Variants in PTPRD observed in about 807,000 individuals in gnomAD.
The protein encoded by PTPRD is protein tyrosine phosphatase receptor type D, also known as receptor-type tyrosine-protein phosphatase delta.
Under a neutral mutation model 214.5 loss-of-function variants are expected in PTPRD, and 34 were observed. That is an observed-to-expected ratio of 0.16 (90% confidence interval 0.12 to 0.21). PTPRD has a LOEUF of 0.21. Ranked by LOEUF, PTPRD falls within the 10% of genes least tolerant of loss-of-function variation. PTPRD has a pLI of 1.00. For missense variants in PTPRD, 2,545 were observed against 2,398.7 expected (o/e 1.06, Z -1.27); for synonymous variants, 1,128 against 845.7 (o/e 1.33, Z -5.79).
intron 8 of PTPRD, among the ~76,000 whole-genome samples, chr9:9,561,485 C>T (rs1333584999): frequency 6.6e-6 from 1 of 152,168 alleles, no homozygotes; most frequent in Non-Finnish European, 1.5e-5. Flanking sequence ...TTTTCATCAA[C>T]ACTACTAAGT....
At chr9:10,399,422 A>T (rs2098232287) in intron 2 of PTPRD, among the ~76,000 whole-genome samples, 1 of 152,030 alleles carries the variant, frequency 6.6e-6, no homozygotes, top group Non-Finnish European at 1.5e-5. Flanking sequence ...TATTCAAAAA[A>T]ATCCAAAACA....
At position 10,513,037 on chromosome 9, in the gene PTPRD, C is replaced by A. The variant is rs72700977; in HGVS notation, c.-600+99361G>T. Among the ~76,000 whole-genome samples the A allele has an allele frequency of 4.6e-3, 701 of 152,148 alleles. 5 individuals carry two copies. The highest frequency in any genetic ancestry group is 7.8e-3 in the Non-Finnish European group (532 of 67,994). On this transcript the variant is annotated intron_variant, in intron 2 of 45. Coordinates refer to ENST00000381196, the MANE Select transcript of PTPRD (RefSeq NM_002839.4). ...AGAATTGTACTGATTTTTGTGTTAT[C>A]AGAGCCAAAGACAACCTGGTGAAAA...
intron 5 of PTPRD, among the ~76,000 whole-genome samples, chr9:9,839,268 G>A (rs1420177589): frequency 5.9e-5 from 9 of 152,088 alleles, no homozygotes; most frequent in Admixed American, 3.9e-4. Context: ...AATTGTCCCT[G>A]TTTGCAGATG....
At chr9:9,784,531 C>T (rs2098901142) in intron 5 of PTPRD, among the ~76,000 whole-genome samples, 1 of 151,958 alleles carries the variant, frequency 6.6e-6, no homozygotes, top group Non-Finnish European at 1.5e-5. Flanking sequence ...CTTCCAAAGC[C>T]ATGGTAAACT....
At chr9:10,212,336 G>A (rs540192554) in intron 3 of PTPRD, among the ~76,000 whole-genome samples, 1 of 152,226 alleles carries the variant, frequency 6.6e-6, no homozygotes, top group East Asian at 1.9e-4. Context: ...TAGCAGCTAA[G>A]CATAAACGTG....
chr9:9,722,949 G>A (rs6477412), intron 7 of PTPRD, among the ~76,000 whole-genome samples: 86,622 of 151,872 alleles, frequency 0.57, 26,614 homozygotes, highest in African/African-American at 0.78. Context: ...TGTCTTATTG[G>A]ATATATGATT....
At chr9:10,279,785 G>C (rs75321505) in intron 3 of PTPRD, among the ~76,000 whole-genome samples, 10,185 of 151,986 alleles carry the variant, frequency 0.067, 772 homozygotes, top group Admixed American at 0.17. Context: ...GATCTAAGTG[G>C]CGTAGTCACT....
chr9:9,070,966 A>C (rs2099742832), intron 10 of PTPRD, among the ~76,000 whole-genome samples: 1 of 152,080 alleles, frequency 6.6e-6, no homozygotes, highest in African/African-American at 2.4e-5. Flanking sequence ...TGCAGGCTGT[A>C]GTGCAGTGCC....
chr9:10,098,863 G>C (rs381343), intron 3 of PTPRD, among the ~76,000 whole-genome samples: 56,206 of 151,502 alleles, frequency 0.37, 11,168 homozygotes, highest in East Asian at 0.53. Context: ...TATGATTAAA[G>C]ATCACTGCAC....
At chr9:8,854,789 A>C (rs1459767641) in intron 11 of PTPRD, among the ~76,000 whole-genome samples, 6 of 152,190 alleles carry the variant, frequency 3.9e-5, no homozygotes, top group Non-Finnish European at 8.8e-5. Flanking sequence ...TAATCACATC[A>C]TCAATCTATG....
At chr9:8,428,463 T>A (rs2094833362) in intron 35 of PTPRD, among the ~76,000 whole-genome samples, 1 of 152,212 alleles carries the variant, frequency 6.6e-6, no homozygotes, top group African/African-American at 2.4e-5. Context: ...TCAACTTTTT[T>A]AAAAACAATC....
At chr9:9,999,168 T>C (rs2096248473) in intron 4 of PTPRD, among the ~76,000 whole-genome samples, 1 of 152,194 alleles carries the variant, frequency 6.6e-6, no homozygotes, top group South Asian at 2.1e-4. Context: ...TTCTGCTTTC[T>C]TCCCTACGCT....
intron 3 of PTPRD, among the ~76,000 whole-genome samples, chr9:10,214,521 C>G (rs1264400852): frequency 6.6e-6 from 1 of 151,098 alleles, no homozygotes; most frequent in East Asian, 2.0e-4. Context: ...GATGATCCAC[C>G]TGCCTCAGCC....
At chr9:9,449,160 G>A (rs959068557) in intron 8 of PTPRD, among the ~76,000 whole-genome samples, 9 of 151,936 alleles carry the variant, frequency 5.9e-5, no homozygotes, top group African/African-American at 1.7e-4. Context: ...CTTTCTTCAC[G>A]AGATTAAAAG....
intron 36 of PTPRD, among the ~76,000 whole-genome samples, chr9:8,403,964 C>T (rs1164797026): frequency 6.6e-6 from 1 of 152,136 alleles, no homozygotes; most frequent in African/African-American, 2.4e-5. Context: ...ATTCGCTTCC[C>T]ATATAAAACA....
chr9:8,851,585 A>G (rs2097815192), intron 11 of PTPRD, among the ~76,000 whole-genome samples: 1 of 152,242 alleles, frequency 6.6e-6, no homozygotes. Context: ...CTTTTAACAA[A>G]TAGCTGAAGA....
intron 14 of PTPRD, among the ~76,000 whole-genome samples, chr9:8,584,856 G>T (rs1285094438): frequency 6.6e-6 from 1 of 152,228 alleles, no homozygotes; most frequent in South Asian, 2.1e-4. Flanking sequence ...GTTGGAAGCG[G>T]AAGCAAACAT....
At chr9:8,804,296 A>G (rs1198414722) in intron 11 of PTPRD, among the ~76,000 whole-genome samples, 1 of 152,026 alleles carries the variant, frequency 6.6e-6, no homozygotes, top group Non-Finnish European at 1.5e-5. Context: ...ACTTTAAAAC[A>G]AACTATCCTT....
At chr9:9,828,878 A>G (rs1396964476) in intron 5 of PTPRD, among the ~76,000 whole-genome samples, 1 of 151,964 alleles carries the variant, frequency 6.6e-6, no homozygotes, top group Non-Finnish European at 1.5e-5. Flanking sequence ...GCTCACTTCC[A>G]TTTAACTCTA....
Sources: allele counts gnomAD v4.1 joint callset (sites outside exome capture counted in the v4.1 genomes callset), GRCh38; gene constraint gnomAD v4.1.1; transcripts MANE v1.5; gene names NCBI Gene and HGNC (gene_info 2026-07-23, HGNC 2026-07-21).